The following EPDR1 variants were observed in gnomAD, a reference collection of about 807,000 sequenced individuals.
The protein encoded by EPDR1 is mammalian ependymin-related protein 1.
Under a neutral mutation model 23.7 loss-of-function variants are expected in EPDR1, and 27 were observed. That is an observed-to-expected ratio of 1.14 (90% CI 0.84 to 1.57). The LOEUF is 1.57. Ranked by LOEUF, EPDR1 falls within the 40% of genes most tolerant of loss-of-function variation. EPDR1 has a pLI of 0.00. For missense variants in EPDR1, 349 were observed against 290.4 expected, an observed-to-expected ratio of 1.20 and a Z score of -1.47; for synonymous variants, 137 against 118.2, an observed-to-expected ratio of 1.16 and a Z score of -1.03.
In EPDR1 at chr7:37,942,149, A is replaced by G. The variant is rs548745553; in HGVS notation, c.270-6691A>G. On this transcript the variant is annotated intron_variant, in intron 1 of 2. Transcript: ENST00000199448. ...GAGTATAGTACATATTGAAAAATCA[A>G]TCCAATGTTTGTACACCTATGTTTA... Among the ~76,000 whole-genome samples the G allele has an allele frequency of 5.3e-5, 8 of 152,318 alleles. No homozygotes were observed. In the South Asian group the frequency reaches 1.7e-3, roughly 32 times the overall value.
At chr7:37,931,207 T>A (rs1328133670) in intron 1 of EPDR1, among the ~76,000 whole-genome samples, 2 of 152,172 alleles carry the variant, frequency 1.3e-5, no homozygotes, top group Non-Finnish European at 2.9e-5. Context: ...TTTATGGCAT[T>A]TACAGCTCTC....
chr7:37,927,412 A>G (rs2132001437), intron 1 of EPDR1, among the ~76,000 whole-genome samples: 1 of 151,866 alleles, frequency 6.6e-6, no homozygotes, highest in South Asian at 2.1e-4. Flanking sequence ...CTCCCTTCTC[A>G]GCCAGTGAGA....
At chr7:37,926,850 C>G in intron 1 of EPDR1, 1 of 330,678 alleles carries the variant, frequency 3.0e-6, no homozygotes, top group Admixed American at 3.2e-5. Flanking sequence ...GTACATATCC[C>G]ATTCTTCATT....
In EPDR1 at chr7:37,920,821, G is replaced by C. The variant is rs778992229; in HGVS notation, c.-119G>C. On this transcript the variant is annotated 5_prime_UTR_variant, in exon 1 of 3. Coordinates refer to ENST00000199448, the MANE Select transcript of EPDR1 (RefSeq NM_017549.5). ...CCACCGAAGGGACAGGAAGCACTTT[G>C]GTCCAGACCACACTCCCGGCACAGT... The C allele has an allele frequency of 6.2e-7, 1 of 1,610,486 alleles. No homozygotes were observed.
intron 1 of EPDR1, chr7:37,926,845 T>A: frequency 2.9e-6 from 1 of 345,814 alleles, no homozygotes; most frequent in Non-Finnish European, 6.0e-6. Flanking sequence ...ACCATGTACA[T>A]ATCCCATTCT....
At chr7:37,945,258 C>T (rs1282978489) in intron 1 of EPDR1, among the ~76,000 whole-genome samples, 1 of 152,314 alleles carries the variant, frequency 6.6e-6, no homozygotes, top group South Asian at 2.1e-4. Context: ...GTTGACCCTG[C>T]ATGCATATTA....
chr7:37,950,221 A>T lies in EPDR1; in HGVS notation c.500A>T (p.Tyr167Phe), dbSNP rs768217022. ...ATAGATGAAACCTGGATTGGCATCT[A>T]TACAGTCAAGGATTGCTATCCTGTC... The part of the protein sequence containing the change: ...ARSYETWIGI[Y>F]TVKDCYPVQE... The change falls in exon 3 of 3, where the codon TAT (tyrosine) becomes TTT (phenylalanine). Residue 167 changes from tyrosine (Y) to phenylalanine (F), a missense_variant. By Grantham distance (22) the Tyr-to-Phe change is conservative. Transcript: ENST00000199448. 1 of 1,612,612 alleles carries T rather than the reference A, an allele frequency of 6.2e-7. No individual in the cohort carries two copies. The highest frequency in any genetic ancestry group is 1.3e-5 in the African/African-American group (1 of 74,916).
intron 1 of EPDR1, among the ~76,000 whole-genome samples, chr7:37,925,366 A>G (rs1785793579): frequency 6.6e-6 from 1 of 152,216 alleles, no homozygotes; most frequent in Non-Finnish European, 1.5e-5. Context: ...AACAATATGC[A>G]CAGTCTGGTA....
chr7:37,929,922 A>G (rs1437888932), intron 1 of EPDR1, among the ~76,000 whole-genome samples: 3 of 152,150 alleles, frequency 2.0e-5, no homozygotes, highest in Admixed American at 6.5e-5. Context: ...TTTATTTCTA[A>G]AGCACCCACA....
At chr7:37,946,190 C>T (rs745382211) in intron 1 of EPDR1, among the ~76,000 whole-genome samples, 6 of 152,116 alleles carry the variant, frequency 3.9e-5, no homozygotes, top group Admixed American at 2.0e-4. Context: ...CTGCAATGAA[C>T]ACAGGTATGC....
chr7:37,924,111 G>A (rs1410709657), intron 1 of EPDR1, among the ~76,000 whole-genome samples: 4 of 152,210 alleles, frequency 2.6e-5, no homozygotes, highest in Non-Finnish European at 5.9e-5. Flanking sequence ...TTGCTGGCAT[G>A]AGGACCAGCA....
intron 1 of EPDR1, among the ~76,000 whole-genome samples, chr7:37,933,350 A>G: frequency 6.6e-6 from 1 of 152,182 alleles, no homozygotes; most frequent in African/African-American, 2.4e-5. Context: ...AATTTAATAT[A>G]TCTTGGATGG....
chr7:37,945,459 A>G (rs1164582430), intron 1 of EPDR1, among the ~76,000 whole-genome samples: 1 of 152,160 alleles, frequency 6.6e-6, no homozygotes, highest in Admixed American at 6.5e-5. Context: ...TTTCCATACT[A>G]CCTCATAGAA....
intron 1 of EPDR1, among the ~76,000 whole-genome samples, chr7:37,929,171 C>G (rs1466824888): frequency 6.6e-6 from 1 of 152,216 alleles, no homozygotes; most frequent in Non-Finnish European, 1.5e-5. Flanking sequence ...TTTCTCTGCT[C>G]AACATTCTCA....
At chr7:37,944,714 C>T (rs756400503) in intron 1 of EPDR1, among the ~76,000 whole-genome samples, 2 of 152,176 alleles carry the variant, frequency 1.3e-5, no homozygotes, top group African/African-American at 4.8e-5. Flanking sequence ...TACCTCCCCC[C>T]AGGTCCCTCC....
rs766851649 is a variant in EPDR1 at position 37,930,018 on chromosome 7, TC to T, written c.269+8816del. On this transcript the variant is annotated intron_variant, in intron 1 of 2. Transcript: ENST00000199448. Reference sequence around the variant, plus strand: ...AGCAGGGTGCCTAAGTTACCCTCAGTCCCCCCAAAGAAAGGAGAAACTCTTG... The same window carrying T: ...AGCAGGGTGCCTAAGTTACCCTCAGTCCCCCAAAGAAAGGAGAAACTCTTG... Among the ~76,000 whole-genome samples the T allele has an allele frequency of 8.6e-5, 13 of 151,912 alleles. 1 individual carries two copies. Among genetic ancestry groups the T allele is most frequent in the East Asian group, 5.8e-4 (3 of 5,162 alleles).
intron 1 of EPDR1, among the ~76,000 whole-genome samples, chr7:37,943,748 C>T (rs564345957): frequency 2.2e-4 from 33 of 152,166 alleles, no homozygotes; most frequent in East Asian, 7.7e-4. Flanking sequence ...AACACCAAAA[C>T]GAACACTTGT....
intron 1 of EPDR1, among the ~76,000 whole-genome samples, chr7:37,925,461 G>A (rs1227078102): frequency 6.6e-6 from 1 of 152,188 alleles, no homozygotes; most frequent in Non-Finnish European, 1.5e-5. Flanking sequence ...TCACAAATGG[G>A]GCAGCAGGTG....
At chr7:37,937,678 C>T (rs1296060971) in intron 1 of EPDR1, among the ~76,000 whole-genome samples, 1 of 152,148 alleles carries the variant, frequency 6.6e-6, no homozygotes, top group Non-Finnish European at 1.5e-5. Context: ...TCTGAGGTGC[C>T]TTATCTTTGA....
Sources: allele counts gnomAD v4.1 joint callset (sites outside exome capture counted in the v4.1 genomes callset), GRCh38; gene constraint gnomAD v4.1.1; transcripts MANE v1.5; gene names NCBI Gene and HGNC (gene_info 2026-07-23, HGNC 2026-07-21).